Variants in SLC14A2 observed in about 807,000 individuals in gnomAD.
SLC14A2 encodes urea transporter 2.
Under a neutral mutation model 104.6 loss-of-function variants are expected in SLC14A2, and 91 were observed. That is an observed-to-expected ratio of 0.87 (90% CI 0.73 to 1.04). SLC14A2 has a LOEUF of 1.04. SLC14A2 is among the 50% of genes least tolerant of loss of function. The pLI, the probability that SLC14A2 is intolerant of heterozygous loss-of-function variation, is 0.00. For synonymous variants in SLC14A2, 476 were observed against 466.4 expected (o/e 1.02, Z -0.27); for missense variants, 1,189 against 1,156.0 (o/e 1.03, Z -0.41).
intron 2 of SLC14A2, among the ~76,000 whole-genome samples, chr18:45,532,223 T>C (rs1178691789): frequency 1.3e-5 from 2 of 152,202 alleles, no homozygotes; most frequent in Non-Finnish European, 1.5e-5. Flanking sequence ...AGTAGTTTTT[T>C]CCAATTCTGT....
At chr18:45,642,151 G>C (rs1395319971) in intron 8 of SLC14A2, among the ~76,000 whole-genome samples, 1 of 152,186 alleles carries the variant, frequency 6.6e-6, no homozygotes, top group African/African-American at 2.4e-5. Context: ...CTGGAAGCAG[G>C]ACAGGACATT....
intron 1 of SLC14A2, among the ~76,000 whole-genome samples, chr18:45,278,815 C>T (rs755960964): frequency 9.2e-5 from 14 of 152,256 alleles, no homozygotes; most frequent in Non-Finnish European, 1.3e-4. Flanking sequence ...GCTGTATTAT[C>T]GATTATAATT....
intron 1 of SLC14A2, among the ~76,000 whole-genome samples, chr18:45,268,053 T>A (rs1419892888): frequency 6.6e-6 from 1 of 152,172 alleles, no homozygotes; most frequent in Non-Finnish European, 1.5e-5. Flanking sequence ...CGTAAAATGT[T>A]GTGCATTCAT....
chr18:45,673,133 T>C, intron 17 of SLC14A2, 86 bp downstream of exon 17: 1 of 1,282,006 alleles, frequency 7.8e-7, no homozygotes, highest in South Asian at 1.3e-5. Context: ...TCTTCAACAC[T>C]CCACCTGCTG....
chr18:45,172,443 T>G, the SLC14A2 span, among the ~76,000 whole-genome samples: 2 of 152,178 alleles, frequency 1.3e-5, no homozygotes, highest in East Asian at 1.9e-4. Context: ...TGGTGGTAAC[T>G]GAACACTTTC....
chr18:45,326,987 T>TATCA (rs994526076), intron 1 of SLC14A2, among the ~76,000 whole-genome samples: 1 of 152,158 alleles, frequency 6.6e-6, no homozygotes, highest in Non-Finnish European at 1.5e-5. Context: ...TATCTCTATA[T>TATCA]ATCAATCAAT....
At chr18:45,613,325 A>G (rs1311630738), upstream of SLC14A2, among the ~76,000 whole-genome samples, 1 of 152,170 alleles carries the variant, frequency 6.6e-6, no homozygotes, top group Non-Finnish European at 1.5e-5. Flanking sequence ...CCTGGCCAGC[A>G]GTTTTTATAA....
chr18:45,330,061 A>C (rs569275284), intron 1 of SLC14A2, among the ~76,000 whole-genome samples: 13 of 152,304 alleles, frequency 8.5e-5, no homozygotes, highest in African/African-American at 2.6e-4. Flanking sequence ...CAGAAGAGGA[A>C]ACTAAGGCTC....
chr18:45,563,340 A>G (rs932413335), intron 2 of SLC14A2, among the ~76,000 whole-genome samples: 1 of 152,210 alleles, frequency 6.6e-6, no homozygotes, highest in Non-Finnish European at 1.5e-5. Flanking sequence ...AACTGGGGGG[A>G]ACATAAGGGC....
intron 1 of SLC14A2, among the ~76,000 whole-genome samples, chr18:45,362,774 C>T (rs1568167714): frequency 6.6e-6 from 1 of 152,220 alleles, no homozygotes; most frequent in African/African-American, 2.4e-5. Context: ...ATAGCTGCTG[C>T]TGCAGAAACT....
intron 1 of SLC14A2, among the ~76,000 whole-genome samples, chr18:45,299,597 G>T (rs894956824): frequency 6.6e-6 from 1 of 152,176 alleles, no homozygotes; most frequent in Non-Finnish European, 1.5e-5. Flanking sequence ...AAGTAGCTGG[G>T]ACTGCAGGCA....
chr18:45,360,029 G>A (rs956781973), intron 1 of SLC14A2, among the ~76,000 whole-genome samples: 15 of 152,224 alleles, frequency 9.9e-5, no homozygotes, highest in Non-Finnish European at 1.9e-4. Flanking sequence ...ACTCCTGTCA[G>A]GAGATGTCTT....
intron 1 of SLC14A2, among the ~76,000 whole-genome samples, chr18:45,296,241 GGA>G (rs1191522478): frequency 2.0e-5 from 3 of 152,184 alleles, no homozygotes; most frequent in Non-Finnish European, 4.4e-5. Context: ...ATGAAGTAAA[GGA>G]GAGGGGAACC....
intron 1 of SLC14A2, among the ~76,000 whole-genome samples, chr18:45,293,626 A>G (rs1314075452): frequency 3.3e-5 from 5 of 152,134 alleles, no homozygotes; most frequent in African/African-American, 1.2e-4. Context: ...ACACAAGTTT[A>G]CTGAGCTTGA....
At chr18:45,675,586 C>A (rs977513352) in intron 18 of SLC14A2, among the ~76,000 whole-genome samples, 1 of 151,386 alleles carries the variant, frequency 6.6e-6, no homozygotes, top group Non-Finnish European at 1.5e-5. Flanking sequence ...ATGATCACGG[C>A]TCACTGCAGC....
chr18:45,202,568 GA>G, the SLC14A2 span, among the ~76,000 whole-genome samples: 1 of 152,118 alleles, frequency 6.6e-6, no homozygotes, highest in Non-Finnish European at 1.5e-5. Flanking sequence ...AAGAGGAGGA[GA>G]ATGAAATGAG....
intron 2 of SLC14A2, among the ~76,000 whole-genome samples, chr18:45,591,778 T>C (rs2144389075): frequency 2.0e-5 from 3 of 152,312 alleles, no homozygotes; most frequent in Middle Eastern, 3.4e-3. Flanking sequence ...TGTGGGTACA[T>C]GAAATGAAGA....
intron 1 of SLC14A2, among the ~76,000 whole-genome samples, chr18:45,274,429 G>A (rs1289461435): frequency 6.6e-6 from 1 of 152,106 alleles, no homozygotes; most frequent in East Asian, 1.9e-4. Flanking sequence ...TGTTTGCCAA[G>A]GCCAAGACTC....
intron 10 of SLC14A2, among the ~76,000 whole-genome samples, chr18:45,661,107 C>T (rs1402382441): frequency 6.6e-6 from 1 of 152,188 alleles, no homozygotes; most frequent in Admixed American, 6.5e-5. Flanking sequence ...GGGCTGCTAA[C>T]TGTGAAGAAT....
Sources: gnomAD v4.1 joint callset for allele counts (sites outside exome capture counted in the v4.1 genomes callset) on GRCh38, gnomAD v4.1.1 for gene constraint, MANE v1.5 for transcripts, NCBI Gene and HGNC (gene_info 2026-07-23, HGNC 2026-07-21) for gene names.